The following USP34 variants were observed in gnomAD, a reference collection of about 807,000 sequenced individuals.
The protein encoded by USP34 is ubiquitin carboxyl-terminal hydrolase 34.
USP34 carries 70 observed loss-of-function variants against 460.3 expected under a neutral mutation model. That is an observed-to-expected ratio of 0.15 (90% CI 0.13 to 0.19). USP34 has a LOEUF of 0.19. USP34 is among the 10% of genes least tolerant of loss of function. The pLI is 1.00. For missense variants in USP34, 3,985 were observed against 4,236.2 expected, an observed-to-expected ratio of 0.94 and a Z score of 1.65; for synonymous variants, 1,647 against 1,405.3, an observed-to-expected ratio of 1.17 and a Z score of -3.85.
At chr2:61,411,961 G>A (rs893185363) in intron 2 of USP34, among the ~76,000 whole-genome samples, 17 of 151,960 alleles carry the variant, frequency 1.1e-4, no homozygotes, top group South Asian at 2.1e-4. Context: ...AGGCTGAGGC[G>A]GGTGGATCAC....
Position 61,470,840 on chromosome 2 carries a change from G to A in USP34, c.-148C>T, listed in dbSNP as rs985249316. On this transcript the variant is annotated 5_prime_UTR_variant, in exon 1 of 80. Transcript: ENST00000398571. The stretch of plus-strand genomic sequence containing the variant: ...GGGCGGGCGGCGGCGGGGACGGGGC[G>A]GGGAGCAAGAGAATGGGGGAGGGGG... The A allele has an allele frequency of 1.6e-5, 8 of 493,942 alleles. No homozygotes were observed. Among genetic ancestry groups the A allele is most frequent in the Admixed American group, 4.0e-5 (1 of 25,236 alleles). 30.6% of individuals were successfully genotyped at this position (493,942 alleles called of 1,614,324 possible). A position where few individuals can be genotyped will look rare whatever the true frequency, so the allele number is the denominator to read the frequency against.
At chr2:61,291,323 G>T (rs1689844013) in intron 33 of USP34, among the ~76,000 whole-genome samples, 1 of 152,118 alleles carries the variant, frequency 6.6e-6, no homozygotes, top group African/African-American at 2.4e-5. Flanking sequence ...TGGAGAAACT[G>T]GAACCCTCAC....
At chr2:61,256,844 G>T in intron 47 of USP34, 29 bp downstream of exon 47, 1 of 1,519,112 alleles carries the variant, frequency 6.6e-7, no homozygotes, top group Non-Finnish European at 8.8e-7. Flanking sequence ...AAAGCATAAA[G>T]TAAAAAAATT....
At chr2:61,317,393 G>A (rs1690782679) in intron 23 of USP34, among the ~76,000 whole-genome samples, 1 of 152,128 alleles carries the variant, frequency 6.6e-6, no homozygotes, top group Non-Finnish European at 1.5e-5. Flanking sequence ...CAGGCATGGT[G>A]GCAAATGTCT....
intron 16 of USP34, among the ~76,000 whole-genome samples, chr2:61,341,015 G>A (rs1000490274): frequency 6.6e-6 from 1 of 152,056 alleles, no homozygotes; most frequent in Non-Finnish European, 1.5e-5. Context: ...TCAAGCCCTA[G>A]GCAATGATTG....
At position 61,246,408 on chromosome 2, in the gene USP34, A is replaced by G. The variant is rs1688418906; in HGVS notation, c.6464T>C (p.Val2155Ala). 1 of 1,610,770 alleles carries G rather than the reference A, an allele frequency of 6.2e-7. No homozygotes were observed. The highest frequency in any genetic ancestry group is 8.5e-7 in the Non-Finnish European group (1 of 1,178,214). Residue 2155 changes from valine to alanine, a missense_variant, in exon 50 of 80, where the codon GTT (valine) becomes GCT (alanine). Transcript: ENST00000398571. Reference sequence around the variant, plus strand: ...TCCACCATCTGCCGTTCCTGTGTGAACAGTCACTCCTATCAAGTCATATTC... The same window carrying G: ...TCCACCATCTGCCGTTCCTGTGTGAGCAGTCACTCCTATCAAGTCATATTC... ...SYEYDLIGVT[V>A]HTGTADGGHY...
At chr2:61,399,130 G>A (rs1214636616) in intron 3 of USP34, among the ~76,000 whole-genome samples, 6 of 151,996 alleles carry the variant, frequency 3.9e-5, no homozygotes, top group Non-Finnish European at 5.9e-5. Context: ...CTAGGTAGGT[G>A]GATCACGAGG....
At chr2:61,289,598 C>T (rs952151217) in intron 33 of USP34, among the ~76,000 whole-genome samples, 1 of 152,056 alleles carries the variant, frequency 6.6e-6, no homozygotes, top group Non-Finnish European at 1.5e-5. Flanking sequence ...TATATTCCTA[C>T]ACAAACATAC....
chr2:61,188,531 A>T lies in USP34; in HGVS notation c.10212T>A (p.Leu3404=), dbSNP rs773727010. ...TAACAGAACTATTTTCAGGGGAAGG[A>T]AGATCTTGCTCAGTTCCTGGATCAA... is the stretch of plus-strand genomic sequence containing the variant. ...SIIDPGTEQD[L]PSPENSSVKE... is the part of the protein sequence containing the mutation. The change falls in exon 80 of 80, where the codon CTT becomes CTA. Residue 3404 remains leucine, a synonymous_variant. Transcript: ENST00000398571. The T allele has an allele frequency of 1.8e-5, 29 of 1,614,104 alleles. No homozygotes were observed. The highest frequency in any genetic ancestry group is 1.7e-6 in the Non-Finnish European group (2 of 1,180,054).
intron 10 of USP34, among the ~76,000 whole-genome samples, chr2:61,364,161 A>G (rs1462883799): frequency 6.6e-6 from 1 of 152,216 alleles, no homozygotes; most frequent in Non-Finnish European, 1.5e-5. Context: ...GAATGGCTTG[A>G]GCCCAAACAT....
chr2:61,353,181 T>G (rs1478053578), intron 10 of USP34, among the ~76,000 whole-genome samples: 1 of 152,200 alleles, frequency 6.6e-6, no homozygotes, highest in African/African-American at 2.4e-5. Flanking sequence ...AACATCAAGA[T>G]TCTCTGTTCC....
intron 1 of USP34, among the ~76,000 whole-genome samples, chr2:61,456,812 A>G (rs1479553748): frequency 6.6e-6 from 1 of 151,098 alleles, no homozygotes; most frequent in Non-Finnish European, 1.5e-5. Context: ...TAAAAATAAA[A>G]AACACCAAAA....
At chr2:61,378,461 C>A in intron 7 of USP34, 37 bp from the exon 8 acceptor site, 1 of 1,457,764 alleles carries the variant, frequency 6.9e-7, no homozygotes, top group South Asian at 1.3e-5. Flanking sequence ...GTTTTTATTT[C>A]CAAAATTATT....
intron 5 of USP34, among the ~76,000 whole-genome samples, chr2:61,393,673 T>A (rs1280274338): frequency 6.6e-6 from 1 of 152,130 alleles, no homozygotes; most frequent in Non-Finnish European, 1.5e-5. Flanking sequence ...AATATTTTTA[T>A]TTTATAGATA....
intron 3 of USP34, among the ~76,000 whole-genome samples, chr2:61,402,287 G>A (rs910725795): frequency 6.6e-6 from 1 of 151,806 alleles, no homozygotes; most frequent in Non-Finnish European, 1.5e-5. Context: ...CTCTTAAGGG[G>A]AAAAAAATTA....
intron 75 of USP34, among the ~76,000 whole-genome samples, chr2:61,199,620 G>A (rs1455744823): frequency 6.6e-6 from 1 of 152,164 alleles, no homozygotes; most frequent in Non-Finnish European, 1.5e-5. Flanking sequence ...TTAAAGATTT[G>A]CCCCATAGAC....
intron 34 of USP34, among the ~76,000 whole-genome samples, chr2:61,286,333 T>C (rs1407621907): frequency 6.6e-6 from 1 of 152,026 alleles, no homozygotes; most frequent in East Asian, 1.9e-4. Flanking sequence ...GCAAAAACTA[T>C]ATAATATACA....
intron 1 of USP34, among the ~76,000 whole-genome samples, chr2:61,457,068 G>A (rs1379273314): frequency 1.3e-5 from 2 of 151,976 alleles, no homozygotes; most frequent in Non-Finnish European, 2.9e-5. Flanking sequence ...TTGAGCCCAG[G>A]AGTTCAAGAC....
At chr2:61,364,468 T>C (rs1005319743) in intron 10 of USP34, among the ~76,000 whole-genome samples, 1 of 152,182 alleles carries the variant, frequency 6.6e-6, no homozygotes, top group Non-Finnish European at 1.5e-5. Flanking sequence ...ATGATGAAAA[T>C]GTTTTGCATA....
Sources: allele counts gnomAD v4.1 joint callset (sites outside exome capture counted in the v4.1 genomes callset), GRCh38; gene constraint gnomAD v4.1.1; transcripts MANE v1.5; gene names NCBI Gene and HGNC (gene_info 2026-07-23, HGNC 2026-07-21).